PPP1R21: variants seen among roughly 807,000 people sequenced by gnomAD.
PPP1R21 encodes KLRAQ motif containing 1.
In PPP1R21, 85 loss-of-function variants were observed where a neutral mutation model predicts 112.8. The ratio of observed to expected loss-of-function variants is 0.75; its 90% CI spans 0.63 to 0.90. The LOEUF is 0.90. Ranked by LOEUF, PPP1R21 falls within the 40% of genes least tolerant of loss-of-function variation. PPP1R21 has a pLI of 0.00. For synonymous variants in PPP1R21, 381 were observed against 322.3 expected (o/e 1.18, Z -1.95); for missense variants, 1,199 against 901.5 (o/e 1.33, Z -4.23).
chr2:48,469,034 C>T (rs1446062047), intron 9 of PPP1R21, among the ~76,000 whole-genome samples: 1 of 151,752 alleles, frequency 6.6e-6, no homozygotes, highest in Non-Finnish European at 1.5e-5. Context: ...TTTTACATGG[C>T]AGCGGCAAGA....
rs113361760 is a variant in PPP1R21, at chr2:48,482,809, T to C, written c.1318+2793T>C. 7.6e-3 allele frequency among the ~76,000 whole-genome samples: 1,152 copies of C among 152,258 alleles called. 5 individuals are homozygous for C. Among genetic ancestry groups the C allele is most frequent in the Non-Finnish European group, 0.011 (763 of 68,024 alleles). On this transcript the variant is annotated intron_variant, in intron 13 of 21. Coordinates refer to ENST00000294952, the MANE Select transcript of PPP1R21 (RefSeq NM_001135629.3). ...CAACTTTTAAGTTCAGGGGTAAATG[T>C]GCAGGATGTGCAGGTTTGTTACATA...
At chr2:48,474,120 T>G (rs1168951594) in intron 11 of PPP1R21, among the ~76,000 whole-genome samples, 7 of 152,332 alleles carry the variant, frequency 4.6e-5, no homozygotes, top group Admixed American at 3.9e-4. Context: ...TGGTGGTTCA[T>G]GCCTGTAATC....
rs576887872 is a variant in PPP1R21 at position 48,475,063 on chromosome 2, G to C, written c.1225+244G>C. Among the ~76,000 whole-genome samples the C allele has an allele frequency of 3.9e-5, 6 of 152,272 alleles. No homozygotes were observed. The South Asian group carries it at 6.2e-4, about 16-fold the overall frequency. ...TGTTGTGATTATTGAGTTAAATTAA[G>C]AACGTACGGCCAGGCTGGGTGACTC... On this transcript the variant is annotated intron_variant, in intron 12 of 21. Coordinates refer to ENST00000294952, the MANE Select transcript of PPP1R21 (RefSeq NM_001135629.3).
intron 1 of PPP1R21, among the ~76,000 whole-genome samples, chr2:48,448,703 T>A (rs1350092314): frequency 1.3e-5 from 2 of 150,906 alleles, no homozygotes; most frequent in East Asian, 3.9e-4. Context: ...AGCACATTAT[T>A]CAAGACTATG....
chr2:48,506,809 G>C (rs886338584), intron 18 of PPP1R21, among the ~76,000 whole-genome samples: 6 of 152,234 alleles, frequency 3.9e-5, no homozygotes, highest in African/African-American at 1.4e-4. Context: ...AGCTGGGCGT[G>C]GTGGCGGGCG....
chr2:48,441,017 A>G lies in PPP1R21; in HGVS notation c.57+7A>G. On this transcript the variant is annotated splice_region_variant and intron_variant, in intron 1 of 21. Coordinates refer to ENST00000294952, the MANE Select transcript of PPP1R21 (RefSeq NM_001135629.3). ...GGCTCAGGAGTACTCGAAGGTACCC[A>G]TCGTGGTCTGGGAGTAGGGGGTCCC... The G allele has an allele frequency of 6.2e-7, 1 of 1,602,374 alleles. No homozygotes were observed. Among genetic ancestry groups the G allele is most frequent in the Non-Finnish European group, 8.5e-7 (1 of 1,170,482 alleles).
chr2:48,504,390 C>T (rs926303861), intron 17 of PPP1R21, among the ~76,000 whole-genome samples: 1 of 152,168 alleles, frequency 6.6e-6, no homozygotes, highest in African/African-American at 2.4e-5. Flanking sequence ...TGCCTGTAAT[C>T]CCAGCACTTT....
At chr2:48,450,637 G>T (rs1667430408) in intron 1 of PPP1R21, among the ~76,000 whole-genome samples, 1 of 152,186 alleles carries the variant, frequency 6.6e-6, no homozygotes, top group Non-Finnish European at 1.5e-5. Context: ...TGGTGTGTCA[G>T]AATTTCAAGG....
intron 1 of PPP1R21, among the ~76,000 whole-genome samples, chr2:48,443,061 A>G (rs1667101893): frequency 6.6e-6 from 1 of 152,214 alleles, no homozygotes; most frequent in South Asian, 2.1e-4. Flanking sequence ...CTCTGGGGCT[A>G]TAGAGTAGGG....
intron 17 of PPP1R21, among the ~76,000 whole-genome samples, chr2:48,499,972 G>A (rs1670034460): frequency 6.6e-6 from 1 of 152,126 alleles, no homozygotes; most frequent in African/African-American, 2.4e-5. Context: ...AGCTTGAGGA[G>A]CTTGAAAGCC....
chr2:48,442,253 C>G (rs567077546), intron 1 of PPP1R21, among the ~76,000 whole-genome samples: 7 of 152,246 alleles, frequency 4.6e-5, no homozygotes, highest in African/African-American at 1.7e-4. Flanking sequence ...TTTGGCTCTA[C>G]TATTTTTGGT....
chr2:48,492,985 A>G (rs1669637959), intron 15 of PPP1R21, among the ~76,000 whole-genome samples: 2 of 135,072 alleles, frequency 1.5e-5, no homozygotes, highest in South Asian at 5.0e-4. Flanking sequence ...TGTTTATTGT[A>G]TAAATTCTCT....
At chr2:48,471,587 T>C in intron 11 of PPP1R21, 1 of 490,500 alleles carries the variant, frequency 2.0e-6, no homozygotes, top group Non-Finnish European at 3.6e-6. Context: ...TTTTCAGTTG[T>C]TCTGTACTGT....
intron 13 of PPP1R21, among the ~76,000 whole-genome samples, chr2:48,481,813 C>G (rs952970860): frequency 2.0e-5 from 3 of 152,166 alleles, no homozygotes; most frequent in Non-Finnish European, 4.4e-5. Flanking sequence ...GCTTCAAAAT[C>G]TTAAGCTTTT....
chr2:48,512,352 C>T (rs899667878), intron 21 of PPP1R21, among the ~76,000 whole-genome samples: 1 of 151,902 alleles, frequency 6.6e-6, no homozygotes, highest in African/African-American at 2.4e-5. Context: ...AGGCCAGGGG[C>T]TCACTTAGTT....
chr2:48,511,122 A>G (rs1435623342), intron 20 of PPP1R21, among the ~76,000 whole-genome samples: 3 of 152,182 alleles, frequency 2.0e-5, no homozygotes, highest in Non-Finnish European at 4.4e-5. Flanking sequence ...ACAGTGTGTA[A>G]TGATCAAATC....
At chr2:48,482,377 G>A (rs75759880) in intron 13 of PPP1R21, among the ~76,000 whole-genome samples, 3 of 152,226 alleles carry the variant, frequency 2.0e-5, no homozygotes, top group East Asian at 1.9e-4. Context: ...GTCATAAGAC[G>A]GGAAGGTCTT....
intron 12 of PPP1R21, among the ~76,000 whole-genome samples, chr2:48,477,043 C>G (rs1050334175): frequency 6.6e-6 from 1 of 151,504 alleles, no homozygotes; most frequent in African/African-American, 2.4e-5. Flanking sequence ...GAAGACTTAC[C>G]CTGTGTTTTC....
chr2:48,491,615 C>A (rs1187181655), intron 15 of PPP1R21, among the ~76,000 whole-genome samples: 1 of 151,906 alleles, frequency 6.6e-6, no homozygotes, highest in Admixed American at 6.6e-5. Flanking sequence ...GTAATCCTAC[C>A]ACCCAAATGT....
Sources: allele counts gnomAD v4.1 joint callset (sites outside exome capture counted in the v4.1 genomes callset), GRCh38; gene constraint gnomAD v4.1.1; transcripts MANE v1.5; gene names NCBI Gene and HGNC (gene_info 2026-07-23, HGNC 2026-07-21).